Variants in ADAM2 observed in about 807,000 individuals in gnomAD.
The protein encoded by ADAM2 is disintegrin and metalloproteinase domain-containing protein 2.
ADAM2 carries 101 observed loss-of-function variants against 99.3 expected under a neutral mutation model. The observed-to-expected ratio is 1.02, with a 90% CI of 0.87 to 1.20. The LOEUF (loss-of-function observed/expected upper bound fraction) is 1.20, where lower values mean the gene tolerates loss of function less well. Ranked by LOEUF, ADAM2 falls within the 50% of genes most tolerant of loss-of-function variation. ADAM2 has a pLI of 0.00. For missense variants in ADAM2, 948 were observed against 878.7 expected (o/e 1.08, Z -1.00); for synonymous variants, 323 against 287.6 (o/e 1.12, Z -1.25).
intron 7 of ADAM2, among the ~76,000 whole-genome samples, chr8:39,799,837 T>G (rs1209297991): frequency 6.6e-6 from 1 of 152,250 alleles, no homozygotes; most frequent in African/African-American, 2.4e-5. Context: ...GTCTGTTTTG[T>G]CAGAGACTAG....
intron 10 of ADAM2, among the ~76,000 whole-genome samples, chr8:39,780,326 TG>T (rs1563352824): frequency 6.6e-6 from 1 of 152,030 alleles, no homozygotes; most frequent in Non-Finnish European, 1.5e-5. Flanking sequence ...GACATTTGGG[TG>T]GGGACAGAGC....
intron 7 of ADAM2, among the ~76,000 whole-genome samples, chr8:39,804,600 A>G (rs1804360337): frequency 6.6e-6 from 1 of 152,162 alleles, no homozygotes; most frequent in Non-Finnish European, 1.5e-5. Flanking sequence ...AGGTTGATGA[A>G]CAATACTATT....
intron 3 of ADAM2, among the ~76,000 whole-genome samples, chr8:39,830,917 A>G (rs1432015227): frequency 6.6e-6 from 1 of 152,186 alleles, no homozygotes; most frequent in Non-Finnish European, 1.5e-5. Context: ...TGGAACCCTT[A>G]TGAATGGGAT....
chr8:39,793,682 C>G (rs6474176), intron 7 of ADAM2, among the ~76,000 whole-genome samples: 107,751 of 151,994 alleles, frequency 0.71, 38,834 homozygotes, highest in East Asian at 0.87. Flanking sequence ...CTTGGTATGG[C>G]AGCCTCATGT....
At chr8:39,785,749 A>G (rs1164758463) in intron 10 of ADAM2, among the ~76,000 whole-genome samples, 1 of 150,864 alleles carries the variant, frequency 6.6e-6, no homozygotes, top group Admixed American at 6.6e-5. Flanking sequence ...GTGAAACGAG[A>G]TTGTGCTATT....
intron 7 of ADAM2, among the ~76,000 whole-genome samples, chr8:39,796,393 A>G (rs1282119541): frequency 6.6e-6 from 1 of 152,214 alleles, no homozygotes; most frequent in East Asian, 1.9e-4. Flanking sequence ...TAGGTAGCAT[A>G]GTATTCCATG....
chr8:39,776,565 G>A (rs527736320), intron 11 of ADAM2, among the ~76,000 whole-genome samples: 103 of 152,102 alleles, frequency 6.8e-4, no homozygotes, highest in South Asian at 2.1e-3. Context: ...TCACTAGATC[G>A]TTGAGGCCTG....
chr8:39,744,801 T>C, intron 20 of ADAM2, 29 bp downstream of exon 20: 1 of 1,460,444 alleles, frequency 6.8e-7, no homozygotes, highest in East Asian at 2.3e-5. Flanking sequence ...TAAAGTAAAA[T>C]AAATTTTAAA....
chr8:39,822,301 G>C (rs1169225413), intron 4 of ADAM2, among the ~76,000 whole-genome samples: 2 of 152,054 alleles, frequency 1.3e-5, no homozygotes, highest in African/African-American at 2.4e-5. Context: ...ATAATATCCA[G>C]ATTGATAACA....
chr8:39,759,538 T>C (rs1320768547), intron 15 of ADAM2, among the ~76,000 whole-genome samples: 1 of 152,182 alleles, frequency 6.6e-6, no homozygotes, highest in Non-Finnish European at 1.5e-5. Context: ...TACAATAAGT[T>C]ATGTAAGAAA....
At chr8:39,762,148 T>C (rs1351734056) in intron 14 of ADAM2, among the ~76,000 whole-genome samples, 2 of 152,210 alleles carry the variant, frequency 1.3e-5, no homozygotes, top group Non-Finnish European at 2.9e-5. Context: ...AACCTCCAAC[T>C]GCTCTACTTG....
chr8:39,794,207 T>C (rs900089783), intron 7 of ADAM2, among the ~76,000 whole-genome samples: 1 of 152,174 alleles, frequency 6.6e-6, no homozygotes, highest in Non-Finnish European at 1.5e-5. Context: ...TATGTTTGTA[T>C]GTCATATGTA....
intron 7 of ADAM2, among the ~76,000 whole-genome samples, chr8:39,789,645 A>G (rs1034945247): frequency 6.6e-6 from 1 of 151,834 alleles, no homozygotes; most frequent in African/African-American, 2.4e-5. Context: ...TAACATTTAC[A>G]GTCAATTAAT....
chr8:39,794,391 CAGTGCATGAAA>C (rs1803848168), intron 7 of ADAM2, among the ~76,000 whole-genome samples: 1 of 152,094 alleles, frequency 6.6e-6, no homozygotes, highest in South Asian at 2.1e-4. Flanking sequence ...TGGATAACTT[CAGTGCATGAAA>C]AGTTAGCTAT....
At chr8:39,754,842 AT>A (rs1336056302) in intron 16 of ADAM2, among the ~76,000 whole-genome samples, 1 of 152,212 alleles carries the variant, frequency 6.6e-6, no homozygotes, top group Non-Finnish European at 1.5e-5. Flanking sequence ...TAATAAAAAA[AT>A]CTAGGAAGGC....
chr8:39,800,028 T>G (rs1428042126), intron 7 of ADAM2, among the ~76,000 whole-genome samples: 2 of 152,202 alleles, frequency 1.3e-5, no homozygotes. Context: ...CATTTACACT[T>G]AAGATTACTA....
Position 39,836,518 on chromosome 8 carries a change from C to T in ADAM2, c.132+618G>A, listed in dbSNP as rs188993844. ...AAGGAAATGTTTGCATTTAAATTACCAGAACATCTGCTACCAAACCAAAAA... is the reference window on the plus strand; with the variant it reads ...AAGGAAATGTTTGCATTTAAATTACTAGAACATCTGCTACCAAACCAAAAA... On this transcript the variant is annotated intron_variant, in intron 2 of 20. Coordinates refer to ENST00000265708, the MANE Select transcript of ADAM2 (RefSeq NM_001464.5). 6.1e-3 allele frequency among the ~76,000 whole-genome samples: 920 copies of T among 150,566 alleles called. 7 individuals carry two copies. Among genetic ancestry groups the T allele is most frequent in the Non-Finnish European group, 9.6e-3 (647 of 67,620 alleles).
Position 39,838,178 on chromosome 8 carries a change from C to A in ADAM2, c.8G>T (p.Arg3Leu). The A allele has an allele frequency of 3.1e-6, 5 of 1,614,134 alleles. No homozygotes were observed. Among genetic ancestry groups the A allele is most frequent in the Non-Finnish European group, 4.2e-6 (5 of 1,180,024 alleles). The change falls in exon 1 of 21, where the codon CGC becomes CTC. Residue 3 changes from arginine (R) to leucine (L), a missense_variant. Transcript: ENST00000265708. Reference protein sequence around the residue: MWRVLFLLSGLGG... With the variant: MWLVLFLLSGLGG... ...GAGCCCGCTGAGCAGAAACAAGACG[C>A]GCCACATGGCTTGAAGTCCTGGGTC...
chr8:39,798,334 A>G (rs1285774963), intron 7 of ADAM2, among the ~76,000 whole-genome samples: 4 of 152,142 alleles, frequency 2.6e-5, no homozygotes, highest in African/African-American at 7.2e-5. Flanking sequence ...TATGTGATGG[A>G]TTACATTTAT....
Sources: allele counts gnomAD v4.1 joint callset (sites outside exome capture counted in the v4.1 genomes callset), GRCh38; gene constraint gnomAD v4.1.1; transcripts MANE v1.5; gene names NCBI Gene and HGNC (gene_info 2026-07-23, HGNC 2026-07-21).